ZP2: variants seen among roughly 807,000 people sequenced by gnomAD.
ZP2 encodes the protein zona pellucida glycoprotein 2, also known as zona pellucida sperm-binding protein 2.
In ZP2, 51 loss-of-function variants were observed where a neutral mutation model predicts 84.0. The ratio of observed to expected loss-of-function variants is 0.61; its 90% confidence interval spans 0.49 to 0.77. The LOEUF (loss-of-function observed/expected upper bound fraction) is 0.77. Among genes scored for constraint, ZP2 ranks in the 30% least tolerant of loss-of-function variants. The probability of loss-of-function intolerance (pLI) is 0.00; values close to 1 mark genes in which losing one functional copy is unlikely to be tolerated. For missense variants in ZP2, 909 were observed against 911.9 expected, an observed-to-expected ratio of 1.00 and a Z score of 0.04; for synonymous variants, 375 against 330.9, an observed-to-expected ratio of 1.13 and a Z score of -1.45.
Position 21,211,374 on chromosome 16 carries a change from G to T in ZP2, c.84C>A (p.Leu28=). The change falls in exon 2 of 19, where the codon CTC becomes CTA. Residue 28 remains leucine (L), a synonymous_variant. Coordinates refer to ENST00000574091, the MANE Select transcript of ZP2 (RefSeq NM_001376232.1). The part of the protein sequence containing the change: ...AGWSTYRSIS[L]FFALVTSGNS... ...TCCCTGAAGTCACAAGGGCGAAGAAGAGAGAAATCGACCTGTAGGTGCTGG... is the reference window on the plus strand; with the variant it reads ...TCCCTGAAGTCACAAGGGCGAAGAATAGAGAAATCGACCTGTAGGTGCTGG... The T allele has an allele frequency of 6.2e-7, 1 of 1,614,176 alleles. No individual in the cohort carries two copies. Among genetic ancestry groups the T allele is most frequent in the Non-Finnish European group, 8.5e-7 (1 of 1,180,036 alleles).
chr16:21,198,976 T>C (rs879027299), intron 16 of ZP2, 114 bp from the exon 17 acceptor site: 1 of 1,006,994 alleles, frequency 9.9e-7, no homozygotes. Flanking sequence ...ATGTGGTTTG[T>C]CTTGCCTTTG....
chr16:21,204,189 T>A lies in ZP2; in HGVS notation c.813A>T (p.Thr271=). 2 of 1,614,166 alleles carry A rather than the reference T, an allele frequency of 1.2e-6. No individual in the cohort carries two copies. The highest frequency in any genetic ancestry group is 1.7e-6 in the Non-Finnish European group (2 of 1,180,024). Residue 271 remains threonine, a synonymous_variant, in exon 9 of 19, where the codon ACA becomes ACT. Transcript: ENST00000574091. ...CAPDPVTCNA[T]HMTLTIPEFP... ...ACTCTGGTATGGTGAGAGTCATGTG[T>A]GTGGCATTGCAGGTCACAGGATCTA... is the stretch of plus-strand genomic sequence containing the variant.
At position 21,197,623 on chromosome 16, in the gene ZP2, C is replaced by T. The variant is rs1324911729; in HGVS notation, c.2096-1G>A. The stretch of plus-strand genomic sequence containing the variant: ...TTGTGCCCTTTGGTGTCCATAGCAC[C>T]TACAAAGGAAGCAGACATTTGAGTC... On this transcript the variant is annotated splice_acceptor_variant, in intron 18 of 18. Coordinates refer to ENST00000574091, the MANE Select transcript of ZP2 (RefSeq NM_001376232.1). LOFTEE classifies it high-confidence loss of function. 1 of 1,614,092 alleles carries T rather than the reference C, an allele frequency of 6.2e-7. No homozygotes were observed. Among genetic ancestry groups the T allele is most frequent in the Admixed American group, 1.7e-5 (1 of 60,006 alleles).
Position 21,201,483 on chromosome 16 carries a change from TC to T in ZP2, c.1579del (p.Glu527LysfsTer2). On this transcript the variant is annotated frameshift_variant, in exon 14 of 19. Coordinates refer to ENST00000574091, the MANE Select transcript of ZP2 (RefSeq NM_001376232.1). LOFTEE classifies it high-confidence loss of function. ...GTCATCCCTGTTTAGGACTCTCACT[TC>T]CATGTAAATTGGTTGGCGGAGGAAT... ...VRFLRQPIYM[E>X]VRVLNRDDPN... The T allele has an allele frequency of 6.2e-7, 1 of 1,613,862 alleles. No individual in the cohort carries two copies. Among genetic ancestry groups the T allele is most frequent in the Non-Finnish European group, 8.5e-7 (1 of 1,179,926 alleles).
intron 7 of ZP2, among the ~76,000 whole-genome samples, chr16:21,204,798 T>C (rs2093242085): frequency 6.6e-6 from 1 of 152,146 alleles, no homozygotes; most frequent in Non-Finnish European, 1.5e-5. Flanking sequence ...CTAAGTACTT[T>C]AGGAGATTAA....
chr16:21,201,649 C>A, intron 13 of ZP2, 57 bp downstream of exon 13: 1 of 1,612,556 alleles, frequency 6.2e-7, no homozygotes, highest in South Asian at 1.1e-5. Flanking sequence ...TCAGGATGTT[C>A]ATTTTAGGGA....
At chr16:21,206,722 T>G (rs2093251373) in intron 5 of ZP2, 116 bp downstream of exon 5, 3 of 1,356,650 alleles carry the variant, frequency 2.2e-6, no homozygotes, top group Non-Finnish European at 3.0e-6. Context: ...ACACAGAAAA[T>G]TAGCAAGTAC....
chr16:21,214,275 C>G, upstream of ZP2: 1 of 985,348 alleles, frequency 1.0e-6, no homozygotes, highest in Non-Finnish European at 1.2e-6. Flanking sequence ...ACAAATGGCT[C>G]TGGGCCCAGG....
Position 21,206,560 on chromosome 16 carries a change from G to A in ZP2, c.483+278C>T, listed in dbSNP as rs185449259. ...CATTTGTCAGATGATTAGTGTGAGT[G>A]CAACTACCAATAAAACCCTATTGCC... On this transcript the variant is annotated intron_variant, in intron 5 of 18. Coordinates refer to ENST00000574091, the MANE Select transcript of ZP2 (RefSeq NM_001376232.1). 3.5e-3 allele frequency among the ~76,000 whole-genome samples: 534 copies of A among 152,190 alleles called. 3 individuals carry two copies. The highest frequency in any genetic ancestry group is 4.4e-3 in the Non-Finnish European group (302 of 68,010).
chr16:21,202,167 C>G lies in ZP2; in HGVS notation c.1224G>C (p.Glu408Asp), dbSNP rs143091073. 6.2e-7 allele frequency: 1 copy of G among 1,603,130 alleles called. No homozygotes were observed. The highest frequency in any genetic ancestry group is 8.5e-7 in the Non-Finnish European group (1 of 1,177,562). The change falls in exon 11 of 19, where the codon GAG becomes GAC. Residue 408 changes from glutamate to aspartate, a missense_variant. Glu to Asp is a conservative substitution (Grantham distance 45). Transcript: ENST00000574091. ...VGNSSCQPVF[E>D]AQSQGLVRFH... The stretch of plus-strand genomic sequence containing the variant: ...ACCGTACCAGCCCCTGAGACTGAGC[C>G]TCAAAGACAGGCTGGCAGGATGAGT...
Position 21,205,783 on chromosome 16 carries a change from A to T in ZP2, c.484-8T>A. The T allele has an allele frequency of 6.2e-7, 1 of 1,613,910 alleles. No homozygotes were observed. On this transcript the variant is annotated splice_polypyrimidine_tract_variant and splice_region_variant and intron_variant, in intron 5 of 18. Coordinates refer to ENST00000574091, the MANE Select transcript of ZP2 (RefSeq NM_001376232.1). ...GACCCGTGGCAAGGAAAACTGGAAG[A>T]AAAGAATTGTGATGTAAGACTTTGA...
intron 4 of ZP2, 60 bp from the exon 5 acceptor site, chr16:21,207,050 A>G: frequency 1.3e-6 from 2 of 1,599,358 alleles, no homozygotes; most frequent in Non-Finnish European, 1.7e-6. Flanking sequence ...GGATTCTAGA[A>G]TACCATCTGA....
chr16:21,203,766 TG>T lies in ZP2; in HGVS notation c.972+263del, dbSNP rs1447597571. On this transcript the variant is annotated intron_variant, in intron 9 of 18. Coordinates refer to ENST00000574091, the MANE Select transcript of ZP2 (RefSeq NM_001376232.1). ...TGACAAGTAGTTGCTACTACTCAGT[TG>T]GGGCCTTAGACAGTTTTAAGACTTA... is the stretch of plus-strand genomic sequence containing the variant. The T allele has an allele frequency of 7.6e-6, 4 of 525,396 alleles. No homozygotes were observed. In the East Asian group the frequency reaches 1.4e-4, roughly 18 times the overall value. 32.5% of individuals were successfully genotyped at this position (525,396 alleles called of 1,614,324 possible).
At chr16:21,213,090 G>T (rs138964549), upstream of ZP2, among the ~76,000 whole-genome samples, 1 of 152,180 alleles carries the variant, frequency 6.6e-6, no homozygotes, top group Non-Finnish European at 1.5e-5. Flanking sequence ...TGTTGCCCAG[G>T]TGGGAGTGCA....
Position 21,202,098 on chromosome 16 carries a change from AC to A in ZP2, c.1287+5del. 2 of 1,613,594 alleles carry A rather than the reference AC, an allele frequency of 1.2e-6. No homozygotes were observed. Among genetic ancestry groups the A allele is most frequent in the Non-Finnish European group, 1.7e-6 (2 of 1,179,686 alleles). On this transcript the variant is annotated splice_donor_5th_base_variant and intron_variant, in intron 11 of 18. Transcript: ENST00000574091. ...ACTTAACCTCGTGCCATCTGCCAGTACTAACCTTATATCTCGTTCCACATCC... is the reference window on the plus strand; with the variant it reads ...ACTTAACCTCGTGCCATCTGCCAGTATAACCTTATATCTCGTTCCACATCC...
Position 21,210,025 on chromosome 16 carries a change from GTAC to G in ZP2, c.235+81_235+83del, listed in dbSNP as rs113561634. The G allele has an allele frequency of 2.7e-3, 3,366 of 1,251,740 alleles. 61 individuals are homozygous for G. The African/African-American group carries it at 0.043, about 16-fold the overall frequency. 77.5% of individuals were successfully genotyped at this position (1,251,740 alleles called of 1,614,324 possible). A position where few individuals can be genotyped will look rare whatever the true frequency, so the allele number is the denominator to read the frequency against. On this transcript the variant is annotated intron_variant, in intron 3 of 18. Coordinates refer to ENST00000574091, the MANE Select transcript of ZP2 (RefSeq NM_001376232.1). ...GGATGCCGTTGCTGCAGGAGTTTGG[GTAC>G]TCTGCTCCCCAAACAGGATTGACCT...
chr16:21,210,007 G>GTTGCTGCCA, intron 3 of ZP2, 102 bp downstream of exon 3: 1 of 1,055,396 alleles, frequency 9.5e-7, no homozygotes, highest in South Asian at 1.4e-5. Context: ...GTTGGATGCC[G>GTTGCTGCCA]TTGCTGCAGG....
intron 5 of ZP2, 42 bp downstream of exon 5, chr16:21,206,796 G>C: frequency 6.2e-7 from 1 of 1,612,096 alleles, no homozygotes; most frequent in South Asian, 1.1e-5. Context: ...TATTCCCCCT[G>C]CAGTAGCCAT....
intron 4 of ZP2, among the ~76,000 whole-genome samples, chr16:21,208,954 T>C (rs2093262105): frequency 6.6e-6 from 1 of 152,172 alleles, no homozygotes; most frequent in African/African-American, 2.4e-5. Flanking sequence ...GAGCCAGGGC[T>C]CAAGGGCTCA....
Sources: allele counts gnomAD v4.1 joint callset (sites outside exome capture counted in the v4.1 genomes callset), GRCh38; gene constraint gnomAD v4.1.1; transcripts MANE v1.5; gene names NCBI Gene and HGNC (gene_info 2026-07-23, HGNC 2026-07-21).